NINJ1: variants seen among roughly 807,000 people sequenced by gnomAD.
The protein encoded by NINJ1 is ninjurin 1.
In NINJ1, 6 loss-of-function variants were observed where a neutral mutation model predicts 12.7. The observed-to-expected ratio is 0.47, with a 90% confidence interval of 0.26 to 0.93. NINJ1 has a LOEUF of 0.93. NINJ1 is among the 40% of genes least tolerant of loss of function. NINJ1 has a pLI of 0.15. For synonymous variants in NINJ1, 100 were observed against 96.0 expected (o/e 1.04, Z -0.25); for missense variants, 170 against 213.0 (o/e 0.80, Z 1.26).
At chr9:93,133,817 G>A (rs10821075) in intron 1 of NINJ1, among the ~76,000 whole-genome samples, 66,040 of 151,978 alleles carry the variant, frequency 0.43, 16,002 homozygotes, top group East Asian at 0.63. Flanking sequence ...GGTCGGGAAA[G>A]CCGGGCGCCG....
chr9:93,127,642 T>C (rs1827833034), intron 1 of NINJ1, among the ~76,000 whole-genome samples: 3 of 152,202 alleles, frequency 2.0e-5, no homozygotes, highest in Admixed American at 1.3e-4. Context: ...GGTGGGGCCC[T>C]CTTCAGTCAC....
intron 1 of NINJ1, 118 bp from the exon 2 acceptor site, chr9:93,126,756 T>A: frequency 1.4e-6 from 1 of 715,304 alleles, no homozygotes; most frequent in Non-Finnish European, 2.3e-6. Context: ...CCCCCACCCC[T>A]GGTAAGTGCT....
chr9:93,130,185 G>GGCATGGTGAGGAGGTCA (rs1827870356), intron 1 of NINJ1, among the ~76,000 whole-genome samples: 1 of 152,186 alleles, frequency 6.6e-6, no homozygotes. Flanking sequence ...CTAGGAGGGA[G>GGCATGGTGAGGAGGTCA]GCTTGGTGAG....
In NINJ1 at chr9:93,124,965, G is replaced by T. The variant is rs770966966; in HGVS notation, c.402C>A (p.Ile134=). The T allele has an allele frequency of 6.2e-7, 1 of 1,614,140 alleles. No homozygotes were observed. Reference sequence around the variant, plus strand: ...TCTGGACCCCGAAGGCCGTGATGAAGATGTTGACTACCACGATGATGAACA... The same window carrying T: ...TCTGGACCCCGAAGGCCGTGATGAATATGTTGACTACCACGATGATGAACA... The part of the protein sequence containing the change: ...GLVFIIVVVN[I]FITAFGVQKP... The change falls in exon 3 of 4, where the codon ATC becomes ATA. Residue 134 remains isoleucine (I), a synonymous_variant. Coordinates refer to ENST00000375446, the MANE Select transcript of NINJ1 (RefSeq NM_004148.4).
At chr9:93,122,601 T>C (rs1024455308) in intron 3 of NINJ1, among the ~76,000 whole-genome samples, 1 of 152,208 alleles carries the variant, frequency 6.6e-6, no homozygotes, top group Non-Finnish European at 1.5e-5. Context: ...AAGTACTCCA[T>C]GCCTCAGTTT....
rs957185312 is a variant in NINJ1, at chr9:93,134,054, ACGCGGCGCACACAGGTGCCCGGGGAGC to A, written c.75+62_75+88del. ...CGTCCCCCAACACTCTGCAGTGCGGACGCGGCGCACACAGGTGCCCGGGGAGCCGCGGCGCCCCGAAAGGACAGGGCC... is the reference window on the plus strand; with the variant it reads ...CGTCCCCCAACACTCTGCAGTGCGGACGCGGCGCCCCGAAAGGACAGGGCC... On this transcript the variant is annotated intron_variant, in intron 1 of 3. Coordinates refer to ENST00000375446, the MANE Select transcript of NINJ1 (RefSeq NM_004148.4). The A allele has an allele frequency of 4.4e-5, 46 of 1,035,742 alleles. 4 individuals are homozygous for A. The highest frequency in any genetic ancestry group is 3.3e-4 in the African/African-American group (20 of 60,610). The allele number at this position is 1,035,742 out of a possible 1,614,324, so 64.2% of individuals were successfully genotyped here.
chr9:93,128,282 G>A (rs140811515), intron 1 of NINJ1, among the ~76,000 whole-genome samples: 91 of 152,292 alleles, frequency 6.0e-4, no homozygotes, highest in Non-Finnish European at 1.0e-3. Flanking sequence ...TGGGCCTGAC[G>A]CTGCACTCCC....
At chr9:93,129,201 T>C (rs1294269529) in intron 1 of NINJ1, among the ~76,000 whole-genome samples, 2 of 152,134 alleles carry the variant, frequency 1.3e-5, no homozygotes, top group African/African-American at 4.8e-5. Context: ...CAAAGCCACA[T>C]AGCAAGTGAG....
At chr9:93,124,763 T>G in intron 3 of NINJ1, 136 bp downstream of exon 3, 1 of 912,848 alleles carries the variant, frequency 1.1e-6, no homozygotes, top group Non-Finnish European at 1.6e-6. Flanking sequence ...GCATTGGCCT[T>G]GTAGGTGTGG....
chr9:93,129,183 T>A (rs57403632), intron 1 of NINJ1, among the ~76,000 whole-genome samples: 28,115 of 151,838 alleles, frequency 0.19, 3,256 homozygotes, highest in African/African-American at 0.32. Context: ...CAAAGGCGGT[T>A]CCTTACCCAA....
At chr9:93,132,850 C>A (rs1827917361) in intron 1 of NINJ1, among the ~76,000 whole-genome samples, 1 of 152,246 alleles carries the variant, frequency 6.6e-6, no homozygotes, top group South Asian at 2.1e-4. Flanking sequence ...ATTGCCCGGG[C>A]AAGGTCAGGG....
At chr9:93,124,695 C>T (rs1223571164) in intron 3 of NINJ1, among the ~76,000 whole-genome samples, 2 of 152,186 alleles carry the variant, frequency 1.3e-5, no homozygotes, top group South Asian at 2.1e-4. Flanking sequence ...AACACTGTGA[C>T]CACAGGACCC....
At chr9:93,129,935 G>A (rs1827867033) in intron 1 of NINJ1, among the ~76,000 whole-genome samples, 2 of 152,202 alleles carry the variant, frequency 1.3e-5, no homozygotes, top group Admixed American at 1.3e-4. Context: ...CTCTCCCCCA[G>A]TCCTGGGCAC....
chr9:93,128,789 G>A (rs1827848719), intron 1 of NINJ1, among the ~76,000 whole-genome samples: 1 of 152,170 alleles, frequency 6.6e-6, no homozygotes, highest in African/African-American at 2.4e-5. Flanking sequence ...ATATATGTGC[G>A]TGTTCCTAGT....
chr9:93,126,713 G>T (rs1283535825), intron 1 of NINJ1, 75 bp from the exon 2 acceptor site: 6 of 1,199,836 alleles, frequency 5.0e-6, no homozygotes. Context: ...GGCTCTGGGG[G>T]TCACCGGGCC....
At chr9:93,132,217 G>A (rs1827904557) in intron 1 of NINJ1, among the ~76,000 whole-genome samples, 1 of 152,362 alleles carries the variant, frequency 6.6e-6, no homozygotes, top group Middle Eastern at 3.4e-3. Context: ...GGTGTGTTGG[G>A]TGGTCCTGGG....
chr9:93,124,668 T>C (rs561773219), intron 3 of NINJ1, among the ~76,000 whole-genome samples: 2 of 152,298 alleles, frequency 1.3e-5, no homozygotes, highest in East Asian at 3.9e-4. Flanking sequence ...TGGTGGCTCC[T>C]ACACACATTC....
At chr9:93,130,203 G>C (rs1827870890) in intron 1 of NINJ1, among the ~76,000 whole-genome samples, 1 of 152,200 alleles carries the variant, frequency 6.6e-6, no homozygotes. Flanking sequence ...GAGGAGGTCA[G>C]CTCTGTGTAG....
intron 2 of NINJ1, 182 bp from the exon 3 acceptor site, chr9:93,125,244 G>C: frequency 1.7e-6 from 1 of 576,702 alleles, no homozygotes. Context: ...CTGAAACATG[G>C]ACAACAGCGC....
Sources: allele counts gnomAD v4.1 joint callset (sites outside exome capture counted in the v4.1 genomes callset), GRCh38; gene constraint gnomAD v4.1.1; transcripts MANE v1.5; gene names NCBI Gene and HGNC (gene_info 2026-07-23, HGNC 2026-07-21).